PRPF8: variants seen among roughly 807,000 people sequenced by gnomAD.
PRPF8 encodes pre-mRNA processing factor 8.
A neutral mutation model predicts 285.9 loss-of-function variants in PRPF8; 64 were observed. The observed-to-expected ratio is 0.22, with a 90% CI of 0.18 to 0.28. The LOEUF is 0.28. PRPF8 is among the 10% of genes least tolerant of loss of function. PRPF8 has a pLI of 1.00. For missense variants in PRPF8, 1,426 were observed against 3,026.7 expected (o/e 0.47, Z 12.41); for synonymous variants, 1,325 against 1,118.2 (o/e 1.18, Z -3.69).
chr17:1,674,823 G>A (rs1035633977), intron 20 of PRPF8, 143 bp from the exon 21 acceptor site: 3 of 884,870 alleles, frequency 3.4e-6, no homozygotes, highest in African/African-American at 3.3e-5. Flanking sequence ...CAGGCTGAGA[G>A]TGCACTGGCG....
At position 1,684,783 on chromosome 17, in the gene PRPF8, A is replaced by G. The variant is rs886052618; in HGVS notation, c.-15T>C. On this transcript the variant is annotated 5_prime_UTR_variant, in exon 1 of 43. Coordinates refer to ENST00000304992, the MANE Select transcript of PRPF8 (RefSeq NM_006445.4). ...GCCTTAAACGCCTGCCACGCACCCCACAGGCCCTCACACAAGAGGCCGCTT... is the reference window on the plus strand; with the variant it reads ...GCCTTAAACGCCTGCCACGCACCCCGCAGGCCCTCACACAAGAGGCCGCTT... The G allele has an allele frequency of 1.6e-6, 1 of 607,862 alleles. No homozygotes were observed. 37.7% of individuals were successfully genotyped at this position (607,862 alleles called of 1,614,324 possible). A position where few individuals can be genotyped will look rare whatever the true frequency, so the allele number is the denominator to read the frequency against.
At chr17:1,667,225 G>A (rs1912041154) in intron 24 of PRPF8, among the ~76,000 whole-genome samples, 2 of 152,164 alleles carry the variant, frequency 1.3e-5, no homozygotes, top group Non-Finnish European at 2.9e-5. Flanking sequence ...TGGGGTAAAG[G>A]CAAGTGGATG....
chr17:1,684,753 G>A (rs1913151686), intron 1 of PRPF8, 27 bp downstream of exon 1: 1 of 658,450 alleles, frequency 1.5e-6, no homozygotes, highest in East Asian at 2.7e-5. Context: ...GCCTCCCGCA[G>A]CCCGGCCTTA....
In PRPF8 at chr17:1,676,727, G is replaced by A. The variant is rs1912619734; in HGVS notation, c.2182-16C>T. 2 of 1,612,862 alleles carry A rather than the reference G, an allele frequency of 1.2e-6. No homozygotes were observed. Among genetic ancestry groups the A allele is most frequent in the African/African-American group, 1.3e-5 (1 of 74,878 alleles). On this transcript the variant is annotated splice_polypyrimidine_tract_variant and intron_variant, in intron 15 of 42. Transcript: ENST00000304992. The surrounding 1 kb of genome is among the most constrained non-coding windows in gnomAD (Gnocchi z 6.3). Reference sequence around the variant, plus strand: ...GCCCAGGGACCTAAAAGTCCAAAAAGCACAATCAAGCCAGGATCCAGCCAG... The same window carrying A: ...GCCCAGGGACCTAAAAGTCCAAAAAACACAATCAAGCCAGGATCCAGCCAG...
rs1911641375 is a variant in PRPF8 at position 1,660,784 on chromosome 17, G to A, written c.4552C>T (p.Leu1518=). The change falls in exon 29 of 43, where the codon CTA becomes TTA. Residue 1518 remains leucine, a synonymous_variant. Coordinates refer to ENST00000304992, the MANE Select transcript of PRPF8 (RefSeq NM_006445.4). The part of the protein sequence containing the change: ...GFEESMKWKK[L]TNAQRSGLNQ... ...AGTCCTGATCGCTGAGCATTAGTTAGCTTCTTCCACTTCATAGATTCCTCA... is the reference window on the plus strand; with the variant it reads ...AGTCCTGATCGCTGAGCATTAGTTAACTTCTTCCACTTCATAGATTCCTCA... 6.2e-7 allele frequency: 1 copy of A among 1,613,812 alleles called. No homozygotes were observed. Among genetic ancestry groups the A allele is most frequent in the African/African-American group, 1.3e-5 (1 of 74,928 alleles).
chr17:1,675,317 C>T lies in PRPF8; in HGVS notation c.2895G>A (p.Val965=). 1 of 1,614,200 alleles carries T rather than the reference C, an allele frequency of 6.2e-7. No homozygotes were observed. The highest frequency in any genetic ancestry group is 8.5e-7 in the Non-Finnish European group (1 of 1,180,024). The part of the protein sequence containing the change: ...WCQGINNLQD[V]WETSEGECNV... ...TGCACTCGCCTTCACTCGTCTCCCA[C>T]ACGTCCTGCAGGTTATTGATGCCTG... The change falls in exon 20 of 43, where the codon GTG becomes GTA. Residue 965 remains valine (V), a synonymous_variant. Coordinates refer to ENST00000304992, the MANE Select transcript of PRPF8 (RefSeq NM_006445.4). The surrounding 1 kb of genome is among the most constrained non-coding windows in gnomAD (Gnocchi z 6.0).
rs1214899758 is a variant in PRPF8 at position 1,653,301 on chromosome 17, A to G, written c.6369+241T>C. ...CCTGGTCAGGAATTTGTTTCTGACCATATCTGTTCTCTTCCAAATACTATC... is the reference window on the plus strand; with the variant it reads ...CCTGGTCAGGAATTTGTTTCTGACCGTATCTGTTCTCTTCCAAATACTATC... On this transcript the variant is annotated intron_variant, in intron 39 of 42. Coordinates refer to ENST00000304992, the MANE Select transcript of PRPF8 (RefSeq NM_006445.4). This position sits in a 1 kb window ranked among gnomAD's most constrained non-coding sequence, Gnocchi z 4.9. 3 of 618,914 alleles carry G rather than the reference A, an allele frequency of 4.8e-6. No individual in the cohort carries two copies. Among genetic ancestry groups the G allele is most frequent in the South Asian group, 3.8e-5 (2 of 52,514 alleles). 38.3% of individuals were successfully genotyped at this position (618,914 alleles called of 1,614,324 possible). A position where few individuals can be genotyped will look rare whatever the true frequency, so the allele number is the denominator to read the frequency against.
chr17:1,660,833 G>C lies in PRPF8; in HGVS notation c.4509-6C>G, dbSNP rs549517062. ...CAAAGCCACTGGCCTTCTCCCTGGG[G>C]AGCAAGAGAAGCAGGTGAGGTGATA... On this transcript the variant is annotated splice_region_variant and splice_polypyrimidine_tract_variant and intron_variant, in intron 28 of 42. Transcript: ENST00000304992. The C allele has an allele frequency of 1.2e-6, 2 of 1,613,802 alleles. No individual in the cohort carries two copies. Among genetic ancestry groups the C allele is most frequent in the Admixed American group, 3.3e-5 (2 of 60,016 alleles).
intron 24 of PRPF8, among the ~76,000 whole-genome samples, chr17:1,672,111 C>T (rs1912356282): frequency 1.3e-5 from 2 of 152,210 alleles, no homozygotes; most frequent in African/African-American, 4.8e-5. Flanking sequence ...AACCGTAATG[C>T]AATAGTTCTA....
In PRPF8 at chr17:1,650,859, A is replaced by T; in HGVS notation, c.6951T>A (p.Phe2317Leu). 1.2e-6 allele frequency: 2 copies of T among 1,614,162 alleles called. No homozygotes were observed. Among genetic ancestry groups the T allele is most frequent in the Non-Finnish European group, 1.7e-6 (2 of 1,180,028 alleles). The part of the protein sequence containing the change: ...EVHRPSHFLN[F>L]ALLQEGEVYS... ...AAACCTCCCCCTCCTGCAGGAGAGCAAAGTTGAGGAAGTGAGAGGGCCTGT... is the reference window on the plus strand; with the variant it reads ...AAACCTCCCCCTCCTGCAGGAGAGCTAAGTTGAGGAAGTGAGAGGGCCTGT... Residue 2317 changes from phenylalanine to leucine, a missense_variant, in exon 43 of 43, where the codon TTT (phenylalanine) becomes TTA (leucine). Physicochemically the swap from Phe to Leu is conservative, Grantham distance 22 (BLOSUM62 0). Coordinates refer to ENST00000304992, the MANE Select transcript of PRPF8 (RefSeq NM_006445.4).
chr17:1,684,527 A>G lies in PRPF8; in HGVS notation c.45T>C (p.Pro15=). 2 of 1,612,582 alleles carry G rather than the reference A, an allele frequency of 1.2e-6. No individual in the cohort carries two copies. Among genetic ancestry groups the G allele is most frequent in the Non-Finnish European group, 1.7e-6 (2 of 1,179,842 alleles). ...AGTCCGGTAGCGGGGCTAGAGGGCC[A>G]GGCACCGGGTTACCCGGCCCTCGAT... ...FPYRGPGNPV[P]GPLAPLPDYM... is the part of the protein sequence containing the mutation. The change falls in exon 2 of 43, where the codon CCT becomes CCC. Residue 15 remains proline (P), a synonymous_variant. Transcript: ENST00000304992.
rs1452137153 is a variant in PRPF8, at chr17:1,651,887, C to G, written c.6370-99G>C. 6.8e-7 allele frequency: 1 copy of G among 1,470,408 alleles called. No homozygotes were observed. Among genetic ancestry groups the G allele is most frequent in the Non-Finnish European group, 9.5e-7 (1 of 1,057,832 alleles). The allele number at this position is 1,470,408 out of a possible 1,614,324, so 91.1% of individuals were successfully genotyped here. A position where few individuals can be genotyped will look rare whatever the true frequency, so the allele number is the denominator to read the frequency against. ...TCCTTCCTTCCCCCAAGAACGAGGA[C>G]AGAGTTTCTTAAAACGTGATCAGAA... On this transcript the variant is annotated intron_variant, in intron 39 of 42. Coordinates refer to ENST00000304992, the MANE Select transcript of PRPF8 (RefSeq NM_006445.4). This position sits in a 1 kb window ranked among gnomAD's most constrained non-coding sequence, Gnocchi z 5.1.
At chr17:1,678,937 G>A (rs1912760220) in intron 11 of PRPF8, 56 bp from the exon 12 acceptor site, 24 of 1,613,660 alleles carry the variant, frequency 1.5e-5, no homozygotes, top group Non-Finnish European at 1.9e-5. Flanking sequence ...CCCAACTGAT[G>A]TATGCCTTCA....
At chr17:1,656,354 C>T (rs1911387841) in intron 36 of PRPF8, 38 bp downstream of exon 36, 2 of 1,613,472 alleles carry the variant, frequency 1.2e-6, no homozygotes, top group East Asian at 4.5e-5. Context: ...CCTAAACCCG[C>T]TCCTCCTCCA....
At chr17:1,655,990 G>A (rs1287901525) in intron 36 of PRPF8, among the ~76,000 whole-genome samples, 3 of 146,212 alleles carry the variant, frequency 2.1e-5, no homozygotes, top group South Asian at 2.2e-4. Flanking sequence ...GTGCCATCTC[G>A]GCTCACTGCA....
chr17:1,671,069 T>G (rs1912287503), intron 24 of PRPF8, among the ~76,000 whole-genome samples: 1 of 152,146 alleles, frequency 6.6e-6, no homozygotes, highest in Non-Finnish European at 1.5e-5. Context: ...TCTCTTAACA[T>G]TCCCAATTCC....
intron 24 of PRPF8, among the ~76,000 whole-genome samples, chr17:1,663,935 C>T (rs567422321): frequency 6.6e-6 from 1 of 152,168 alleles, no homozygotes; most frequent in South Asian, 2.1e-4. Flanking sequence ...GTAGTCAACT[C>T]GTTCAGAAGA....
intron 24 of PRPF8, among the ~76,000 whole-genome samples, chr17:1,669,227 C>G (rs1912170575): frequency 6.6e-6 from 1 of 152,202 alleles, no homozygotes; most frequent in South Asian, 2.1e-4. Context: ...CTGCCTCAGC[C>G]TCCCGAGTAG....
In PRPF8 at chr17:1,650,795, G is replaced by A. The variant is rs1240535903; in HGVS notation, c.*7C>T. On this transcript the variant is annotated 3_prime_UTR_variant, in exon 43 of 43. Coordinates refer to ENST00000304992, the MANE Select transcript of PRPF8 (RefSeq NM_006445.4). ...TCGGGAGGCTGAAGCAGGAGGCAGGGAAACGGTCAGGCATACAGGTCCTCC... is the reference window on the plus strand; with the variant it reads ...TCGGGAGGCTGAAGCAGGAGGCAGGAAAACGGTCAGGCATACAGGTCCTCC... 8.7e-6 allele frequency: 14 copies of A among 1,613,684 alleles called. No homozygotes were observed. Among genetic ancestry groups the A allele is most frequent in the Non-Finnish European group, 8.5e-7 (1 of 1,179,964 alleles).
Sources: gnomAD v4.1 joint callset for allele counts (sites outside exome capture counted in the v4.1 genomes callset) on GRCh38, gnomAD v4.1.1 for gene constraint, Gnocchi (gnomAD v3.1) non-coding constraint, MANE v1.5 for transcripts, NCBI Gene and HGNC (gene_info 2026-07-23, HGNC 2026-07-21) for gene names.